The following DST variants were observed in gnomAD, a reference collection of about 807,000 sequenced individuals.
DST encodes bullous pemphigoid antigen.
A neutral mutation model predicts 875.2 loss-of-function variants in DST; 253 were observed. The observed-to-expected ratio is 0.29, with a 90% CI of 0.26 to 0.32. The LOEUF (loss-of-function observed/expected upper bound fraction) is 0.32. Among genes scored for constraint, DST ranks in the 10% least tolerant of loss-of-function variants. DST has a pLI of 1.00. For missense variants in DST, 8,287 were observed against 9,111.6 expected (o/e 0.91, Z 3.68); for synonymous variants, 3,124 against 3,197.1 (o/e 0.98, Z 0.77).
In DST at chr6:56,603,842, C is replaced by G; in HGVS notation, c.10786G>C (p.Glu3596Gln). 1 of 1,606,792 alleles carries G rather than the reference C, an allele frequency of 6.2e-7. No homozygotes were observed. The highest frequency in any genetic ancestry group is 8.5e-7 in the Non-Finnish European group (1 of 1,177,064). ...AAATGTATAGGTCAACTTACTTGTT[C>G]GGTTGAGCTATCTCCAGAAGCCATC... ...KEMASGDSSTEQFSSELQQCL... is the reference protein window; with the variant it reads ...KEMASGDSSTQQFSSELQQCL... The change falls in exon 40 of 104, where the codon GAA becomes CAA. Residue 3596 changes from glutamate to glutamine, a missense_variant. Physicochemically the swap from Glu to Gln is conservative, Grantham distance 29. Transcript: ENST00000680361.
rs1170929791 is a variant in DST at position 56,489,548 on chromosome 6, G to A, written c.20819C>T (p.Ser6940Phe). 2 of 1,613,168 alleles carry A rather than the reference G, an allele frequency of 1.2e-6. No individual in the cohort carries two copies. The highest frequency in any genetic ancestry group is 1.7e-6 in the Non-Finnish European group (2 of 1,179,452). Residue 6940 changes from serine to phenylalanine, a missense_variant, in exon 86 of 104, where the codon TCT becomes TTT. Transcript: ENST00000680361. ...TGGATCATTTGCGATTTCCAGTTCA[G>A]AATCCAAAGACTTTTCTGACTCTTC... ...WLEESEKSLD[S>F]ELEIANDPDK...
intron 31 of DST, 68 bp from the exon 32 acceptor site, chr6:56,629,511 C>T: frequency 8.5e-7 from 1 of 1,179,566 alleles, no homozygotes; most frequent in Middle Eastern, 2.5e-4. Context: ...TATTATTTAC[C>T]TAATTTTACA....
chr6:56,737,222 G>T (rs1402460660), intron 4 of DST, among the ~76,000 whole-genome samples: 2 of 152,014 alleles, frequency 1.3e-5, no homozygotes, highest in Non-Finnish European at 2.9e-5. Flanking sequence ...CAATAAAAAT[G>T]TAATGCACAC....
chr6:56,624,637 A>T lies in DST; in HGVS notation c.4831-9T>A, dbSNP rs756947109. ...GTCCTTAGGTCCATGAACTGCAAGTAAGGAAAAAAATAATAAAAGCATTAC... is the reference window on the plus strand; with the variant it reads ...GTCCTTAGGTCCATGAACTGCAAGTTAGGAAAAAAATAATAAAAGCATTAC... On this transcript the variant is annotated splice_polypyrimidine_tract_variant and intron_variant, in intron 35 of 103. Transcript: ENST00000680361. The T allele has an allele frequency of 6.4e-7, 1 of 1,567,036 alleles. No homozygotes were observed. The highest frequency in any genetic ancestry group is 1.7e-5 in the Admixed American group (1 of 59,908).
At chr6:56,533,615 TTAA>T (rs35866027) in intron 63 of DST, among the ~76,000 whole-genome samples, 100,156 of 151,742 alleles carry the variant, frequency 0.66, 33,547 homozygotes, top group Non-Finnish European at 0.7. Context: ...TTGATACATT[TTAA>T]TAATAAAGCT....
chr6:56,701,442 T>C (rs1407067090), intron 8 of DST, among the ~76,000 whole-genome samples: 2 of 152,084 alleles, frequency 1.3e-5, no homozygotes, highest in Non-Finnish European at 2.9e-5. Flanking sequence ...TTATCCCTAC[T>C]ATGAAAAATG....
Position 56,539,607 on chromosome 6 carries a change from A to G in DST, c.16609-2667T>C, listed in dbSNP as rs2097087389. On this transcript the variant is annotated intron_variant, in intron 61 of 103. Coordinates refer to ENST00000680361, the MANE Select transcript of DST (RefSeq NM_001374736.1). ...GAGGCCAAGTTTACCAGAAGAGTTTAGTAAAAGTACCAAAACAGCTGAACT... is the reference window on the plus strand; with the variant it reads ...GAGGCCAAGTTTACCAGAAGAGTTTGGTAAAAGTACCAAAACAGCTGAACT... Among the ~76,000 whole-genome samples the G allele has an allele frequency of 2.0e-5, 3 of 152,208 alleles. No individual in the cohort carries two copies. The South Asian group carries it at 6.2e-4, about 31-fold the overall frequency.
intron 3 of DST, among the ~76,000 whole-genome samples, chr6:56,860,400 A>G (rs1222755999): frequency 6.6e-6 from 1 of 152,226 alleles, no homozygotes; most frequent in African/African-American, 2.4e-5. Flanking sequence ...AAATATTTCA[A>G]TTAAATGGAC....
chr6:56,632,790 G>C (rs749345934), intron 28 of DST, 64 bp downstream of exon 28: 19 of 1,383,210 alleles, frequency 1.4e-5, no homozygotes, highest in Non-Finnish European at 1.9e-5. Context: ...TTCCCATTGA[G>C]AGCAAAAAAT....
intron 3 of DST, among the ~76,000 whole-genome samples, chr6:56,876,350 G>A (rs1779621682): frequency 6.6e-6 from 1 of 152,004 alleles, no homozygotes; most frequent in Non-Finnish European, 1.5e-5. Context: ...GCATGCCATG[G>A]CCCCATTCTG....
chr6:56,827,270 C>T (rs1252629964), intron 4 of DST, among the ~76,000 whole-genome samples: 1 of 152,120 alleles, frequency 6.6e-6, no homozygotes, highest in Non-Finnish European at 1.5e-5. Context: ...AATCCCAGCA[C>T]TTTGGGAGGC....
chr6:56,693,214 C>T (rs2099243996), intron 9 of DST: 1 of 1,216,692 alleles, frequency 8.2e-7, no homozygotes, highest in African/African-American at 1.6e-5. Flanking sequence ...TTACTTAGAT[C>T]CTCTCCATTA....
chr6:56,605,693 T>A lies in DST; in HGVS notation c.8935A>T (p.Lys2979Ter). Residue 2979 changes from lysine (K) to a stop codon, truncating the protein, a stop_gained, in exon 40 of 104, where the codon AAA (lysine) becomes TAA (stop). Coordinates refer to ENST00000680361, the MANE Select transcript of DST (RefSeq NM_001374736.1). LOFTEE classifies it high-confidence loss of function. ...GTCATATTCTTAAAATATTCATCTT[T>A]ACCTTTCACAGAATCAGTCAATTCT... ...LPELTDSVKG[K>*]DEYFKNMTPK... 6.2e-7 allele frequency: 1 copy of A among 1,612,950 alleles called. No homozygotes were observed. The highest frequency in any genetic ancestry group is 8.5e-7 in the Non-Finnish European group (1 of 1,179,348).
intron 22 of DST, among the ~76,000 whole-genome samples, chr6:56,637,314 AT>A (rs1253103037): frequency 6.6e-6 from 1 of 152,226 alleles, no homozygotes; most frequent in Admixed American, 6.5e-5. Context: ...AAAAACTAAA[AT>A]AAATGCAAGC....
intron 2 of DST, among the ~76,000 whole-genome samples, chr6:56,914,011 T>C (rs1429848034): frequency 6.6e-6 from 1 of 152,224 alleles, no homozygotes; most frequent in Non-Finnish European, 1.5e-5. Flanking sequence ...CATTAGCCAC[T>C]GAATGACAGC....
At chr6:56,723,211 T>C (rs779556162) in intron 5 of DST, among the ~76,000 whole-genome samples, 2 of 152,200 alleles carry the variant, frequency 1.3e-5, no homozygotes, top group African/African-American at 2.4e-5. Context: ...AGCTCAGTTA[T>C]AATTCAAGAG....
chr6:56,492,888 C>T, intron 84 of DST, 46 bp downstream of exon 84: 2 of 1,315,104 alleles, frequency 1.5e-6, no homozygotes, highest in Non-Finnish European at 2.0e-6. Flanking sequence ...AAAAAAAAAG[C>T]CTGGTGTCTG....
chr6:56,604,105 A>T lies in DST; in HGVS notation c.10523T>A (p.Val3508Asp). The T allele has an allele frequency of 6.3e-7, 1 of 1,577,450 alleles. No individual in the cohort carries two copies. The highest frequency in any genetic ancestry group is 8.6e-7 in the Non-Finnish European group (1 of 1,159,252). The part of the protein sequence containing the change: ...ADGYSEKIEH[V>D]GDFNQKACST... ...ACATGCTTTTTGATTAAAGTCTCCA[A>T]CATGTTCTATTTTCTCTGAATATCC... is the stretch of plus-strand genomic sequence containing the variant. Residue 3508 changes from valine to aspartate, a missense_variant, in exon 40 of 104, where the codon GTT becomes GAT. Around this residue, in one of 10 missense-constraint regions of DST, gnomAD observed 3,138 missense variants for 3,116.6 expected, o/e 1.01. Transcript: ENST00000680361.
At chr6:56,836,778 G>A (rs1437152981) in intron 4 of DST, among the ~76,000 whole-genome samples, 2 of 150,070 alleles carry the variant, frequency 1.3e-5, no homozygotes, top group Non-Finnish European at 3.0e-5. Flanking sequence ...GTGAACCCGG[G>A]AGGCGGAGCT....
Sources: allele counts gnomAD v4.1 joint callset (sites outside exome capture counted in the v4.1 genomes callset), GRCh38; gene constraint gnomAD v4.1.1; regional missense constraint gnomAD v4.1.1; transcripts MANE v1.5; gene names NCBI Gene and HGNC (gene_info 2026-07-23, HGNC 2026-07-21).